The following CD5 variants were observed in gnomAD, a reference collection of about 807,000 sequenced individuals.
The protein encoded by CD5 is T-cell surface glycoprotein CD5.
In CD5, 36 loss-of-function variants were observed where a neutral mutation model predicts 60.3. The ratio of observed to expected loss-of-function variants is 0.60; its 90% CI spans 0.46 to 0.79. The LOEUF (loss-of-function observed/expected upper bound fraction) is 0.79. CD5 is among the 30% of genes least tolerant of loss of function. CD5 has a pLI of 0.00. For missense variants in CD5, 540 were observed against 630.6 expected (o/e 0.86, Z 1.54); for synonymous variants, 230 against 257.6 (o/e 0.89, Z 1.03).
rs1166176493 is a variant in CD5, at chr11:61,119,427, C to A, written c.657C>A (p.Gly219=). The A allele has an allele frequency of 1.2e-6, 2 of 1,614,146 alleles. No homozygotes were observed. The highest frequency in any genetic ancestry group is 1.1e-5 in the South Asian group (1 of 91,084). Residue 219 remains glycine, a synonymous_variant, in exon 5 of 11, where the codon GGC becomes GGA. Coordinates refer to ENST00000347785, the MANE Select transcript of CD5 (RefSeq NM_014207.4). ...FLKHLPETEA[G]RAQDPGEPRE... ...AGCATCTGCCAGAGACTGAGGCAGG[C>A]AGAGCCCAAGACCCAGGGGAGCCAC...
chr11:61,109,016 GA>G (rs1860812160), intron 1 of CD5, among the ~76,000 whole-genome samples: 1 of 152,212 alleles, frequency 6.6e-6, no homozygotes, highest in Non-Finnish European at 1.5e-5. Context: ...GGGGCGGCAG[GA>G]CCTAGGAGTG....
At chr11:61,095,259 G>C in the CD5 span, among the ~76,000 whole-genome samples, 1 of 152,076 alleles carries the variant, frequency 6.6e-6, no homozygotes, top group African/African-American at 2.4e-5. Flanking sequence ...AGCCACGGGA[G>C]AAACTCCTCC....
the CD5 span, among the ~76,000 whole-genome samples, chr11:61,094,143 C>A: frequency 6.6e-5 from 10 of 152,014 alleles, no homozygotes; most frequent in East Asian, 3.9e-4. Flanking sequence ...AGCATCCCCG[C>A]GGGGAACTCT....
At chr11:61,100,413 C>A (rs1366786415), upstream of CD5, among the ~76,000 whole-genome samples, 3 of 143,796 alleles carry the variant, frequency 2.1e-5, no homozygotes, top group African/African-American at 5.2e-5. Context: ...AGATCACATT[C>A]ACACACATCA....
At chr11:61,103,108 T>C (rs77553074) in intron 1 of CD5, among the ~76,000 whole-genome samples, 4,154 of 152,284 alleles carry the variant, frequency 0.027, 128 homozygotes, top group African/African-American at 0.074. Context: ...CTGAGGACGA[T>C]GTCTGAGCAA....
intron 1 of CD5, among the ~76,000 whole-genome samples, chr11:61,106,292 C>T (rs1860778356): frequency 6.6e-6 from 1 of 152,096 alleles, no homozygotes; most frequent in African/African-American, 2.4e-5. Flanking sequence ...GGCGAGGTCT[C>T]ATCTGAGAAT....
At chr11:61,114,879 G>C (rs987596314) in intron 1 of CD5, among the ~76,000 whole-genome samples, 177 bp from the exon 2 acceptor site, 3 of 152,080 alleles carry the variant, frequency 2.0e-5, no homozygotes, top group Non-Finnish European at 4.4e-5. Context: ...CCACTAGATA[G>C]AATTCATATC....
intron 1 of CD5, among the ~76,000 whole-genome samples, chr11:61,108,269 G>A (rs1341902820): frequency 6.6e-6 from 1 of 152,198 alleles, no homozygotes; most frequent in Non-Finnish European, 1.5e-5. Flanking sequence ...CTACTAGTGG[G>A]AGAGAGAAAT....
Position 61,102,493 on chromosome 11 carries a change from T to A in CD5, c.-68T>A. ...GCCCTCTCCCTCTCTGAGAGCGAGA[T>A]ACCCGGCCAGACACCCTCACCTGCG... On this transcript the variant is annotated 5_prime_UTR_variant, in exon 1 of 11. Coordinates refer to ENST00000347785, the MANE Select transcript of CD5 (RefSeq NM_014207.4). 1 of 1,032,576 alleles carries A rather than the reference T, an allele frequency of 9.7e-7. No homozygotes were observed. The highest frequency in any genetic ancestry group is 1.4e-6 in the Non-Finnish European group (1 of 724,928). The allele number at this position is 1,032,576 out of a possible 1,614,324, so 64.0% of individuals were successfully genotyped here.
chr11:61,101,741 C>T (rs1055241462), upstream of CD5, among the ~76,000 whole-genome samples: 3 of 151,082 alleles, frequency 2.0e-5, no homozygotes, highest in Non-Finnish European at 4.4e-5. Flanking sequence ...CACACGTCAA[C>T]ATGGAGATTA....
At position 61,118,057 on chromosome 11, in the gene CD5, G is replaced by A; in HGVS notation, c.95-118G>A. 4 of 1,067,688 alleles carry A rather than the reference G, an allele frequency of 3.7e-6. No homozygotes were observed. Among genetic ancestry groups the A allele is most frequent in the Non-Finnish European group, 5.5e-6 (4 of 731,416 alleles). The allele number at this position is 1,067,688 out of a possible 1,614,324, so 66.1% of individuals were successfully genotyped here. A position where few individuals can be genotyped will look rare whatever the true frequency, so the allele number is the denominator to read the frequency against. On this transcript the variant is annotated intron_variant, in intron 2 of 10. Coordinates refer to ENST00000347785, the MANE Select transcript of CD5 (RefSeq NM_014207.4). This position sits in a 1 kb window ranked among gnomAD's most constrained non-coding sequence, Gnocchi z 4.7. Reference sequence around the variant, plus strand: ...AGGGACGAAGCTCACAAGGGGCAAGGCAGGCAGCCCACGGGGCAGGAGGGA... The same window carrying A: ...AGGGACGAAGCTCACAAGGGGCAAGACAGGCAGCCCACGGGGCAGGAGGGA...
Position 61,122,910 on chromosome 11 carries a change from A to G in CD5, c.1103A>G (p.Gln368Arg), listed in dbSNP as rs1299547036. The G allele has an allele frequency of 1.9e-6, 3 of 1,611,900 alleles. No individual in the cohort carries two copies. In the Admixed American group the frequency reaches 5.0e-5, roughly 27 times the overall value. The change falls in exon 7 of 11, where the codon CAG becomes CGG. Residue 368 changes from glutamine (Q) to arginine (R), a missense_variant. By Grantham distance (43) the Gln-to-Arg change is conservative. Transcript: ENST00000347785. ...SYCKKVFVTC[Q>R]DPNPAGLAAG... Reference sequence around the variant, plus strand: ...CTAACTCTTCCTCCTTCCCCAGGCCAGGATCCAAACCCCGCAGGCCTGGCC... The same window carrying G: ...CTAACTCTTCCTCCTTCCCCAGGCCGGGATCCAAACCCCGCAGGCCTGGCC...
intron 1 of CD5, among the ~76,000 whole-genome samples, chr11:61,114,036 G>A (rs541524685): frequency 4.6e-5 from 7 of 151,914 alleles, no homozygotes; most frequent in Admixed American, 2.6e-4. Flanking sequence ...GGAAACATGC[G>A]GGACATTTTT....
rs200555254 is a variant in CD5, at chr11:61,125,746, C to T, written c.1400-5C>T. On this transcript the variant is annotated splice_polypyrimidine_tract_variant and splice_region_variant and intron_variant, in intron 9 of 10. Transcript: ENST00000347785. ...CTCTGCAAACAGCGTCCTTTCTTTC[C>T]CCAGCTCTGGAAGGGGCTCTGCATC... 9 of 1,606,094 alleles carry T rather than the reference C, an allele frequency of 5.6e-6. No individual in the cohort carries two copies. The highest frequency in any genetic ancestry group is 6.8e-6 in the Non-Finnish European group (8 of 1,174,742).
At chr11:61,113,645 C>T (rs573278804) in intron 1 of CD5, among the ~76,000 whole-genome samples, 8 of 152,192 alleles carry the variant, frequency 5.3e-5, no homozygotes, top group African/African-American at 1.9e-4. Flanking sequence ...CTCTTGGTTC[C>T]CTTTCTTGCT....
At chr11:61,095,762 G>T in the CD5 span, among the ~76,000 whole-genome samples, 1 of 152,172 alleles carries the variant, frequency 6.6e-6, no homozygotes, top group Non-Finnish European at 1.5e-5. Flanking sequence ...ATGTAAATAA[G>T]GTCTCTGAGG....
chr11:61,098,071 CA>C (rs1860606552), upstream of CD5, among the ~76,000 whole-genome samples: 1 of 152,256 alleles, frequency 6.6e-6, no homozygotes, highest in African/African-American at 2.4e-5. Flanking sequence ...AGAGATAGGA[CA>C]AAACTGGCAC....
chr11:61,122,384 TGG>T (rs1565187176), intron 6 of CD5, among the ~76,000 whole-genome samples: 2 of 23,010 alleles, frequency 8.7e-5, no homozygotes, highest in African/African-American at 1.4e-4. Flanking sequence ...GATGGATGGA[TGG>T]ATGGATGGAT....
chr11:61,121,909 G>A lies in CD5; in HGVS notation c.1099+5G>A. Reference sequence around the variant, plus strand: ...GCAAGAAGGTGTTTGTCACATGTGAGTTGGCCACAGCCCACAGTGGGTGGA... The same window carrying A: ...GCAAGAAGGTGTTTGTCACATGTGAATTGGCCACAGCCCACAGTGGGTGGA... On this transcript the variant is annotated splice_donor_5th_base_variant and intron_variant, in intron 6 of 10. Transcript: ENST00000347785. 2.6e-6 allele frequency: 4 copies of A among 1,528,230 alleles called. No individual in the cohort carries two copies. The highest frequency in any genetic ancestry group is 3.5e-6 in the Non-Finnish European group (4 of 1,128,868). The allele number at this position is 1,528,230 out of a possible 1,614,324, so 94.7% of individuals were successfully genotyped here.
Sources: gnomAD v4.1 joint callset for allele counts (sites outside exome capture counted in the v4.1 genomes callset) on GRCh38, gnomAD v4.1.1 for gene constraint, Gnocchi (gnomAD v3.1) non-coding constraint, MANE v1.5 for transcripts, NCBI Gene and HGNC (gene_info 2026-07-23, HGNC 2026-07-21) for gene names.